Variants in RALGAPB observed in about 807,000 individuals in gnomAD.
RALGAPB encodes the protein ral GTPase-activating protein subunit beta.
RALGAPB carries 25 observed loss-of-function variants against 161.1 expected under a neutral mutation model. The observed-to-expected ratio is 0.16, with a 90% CI of 0.11 to 0.22. The LOEUF (loss-of-function observed/expected upper bound fraction) is 0.22. RALGAPB is among the 10% of genes least tolerant of loss of function. The probability of loss-of-function intolerance (pLI) is 1.00; values close to 1 mark genes in which losing one functional copy is unlikely to be tolerated. For missense variants in RALGAPB, 1,391 were observed against 1,815.2 expected (o/e 0.77, Z 4.25); for synonymous variants, 629 against 626.1 (o/e 1.00, Z -0.07).
chr20:38,563,984 C>T (rs1004474225), intron 24 of RALGAPB, among the ~76,000 whole-genome samples: 21 of 152,104 alleles, frequency 1.4e-4, no homozygotes, highest in African/African-American at 4.3e-4. Context: ...TCCCCGAATC[C>T]GGAACTATAT....
intron 23 of RALGAPB, among the ~76,000 whole-genome samples, chr20:38,560,555 GT>G (rs2087752317): frequency 6.6e-6 from 1 of 152,190 alleles, no homozygotes; most frequent in African/African-American, 2.4e-5. Context: ...GGAGTCAAGT[GT>G]TTTAGAAGAA....
intron 1 of RALGAPB, among the ~76,000 whole-genome samples, chr20:38,485,142 A>C (rs951692283): frequency 1.3e-5 from 2 of 152,210 alleles, no homozygotes; most frequent in African/African-American, 4.8e-5. Flanking sequence ...TTATATGTAA[A>C]TGAAGTTAAT....
Position 38,567,313 on chromosome 20 carries a change from A to G in RALGAPB, c.3954+81A>G, listed in dbSNP as rs556478322. 6.5e-6 allele frequency: 10 copies of G among 1,528,840 alleles called. No individual in the cohort carries two copies. The South Asian group carries it at 9.0e-5, about 14-fold the overall frequency. The allele number at this position is 1,528,840 out of a possible 1,614,324, so 94.7% of individuals were successfully genotyped here. A position where few individuals can be genotyped will look rare whatever the true frequency, so the allele number is the denominator to read the frequency against. ...TAGAATCCTGCCTGAAAAGCTTTTAACCCAGAGAGTATTTATATCAGAGTA... is the reference window on the plus strand; with the variant it reads ...TAGAATCCTGCCTGAAAAGCTTTTAGCCCAGAGAGTATTTATATCAGAGTA... On this transcript the variant is annotated intron_variant, in intron 26 of 29. Transcript: ENST00000262879.
At chr20:38,571,336 A>C (rs2088231290) in intron 28 of RALGAPB, among the ~76,000 whole-genome samples, 1 of 152,214 alleles carries the variant, frequency 6.6e-6, no homozygotes, top group African/African-American at 2.4e-5. Flanking sequence ...TATCCTGCAT[A>C]ACTGAAACTT....
At chr20:38,573,486 C>T (rs1427409714) in intron 28 of RALGAPB, among the ~76,000 whole-genome samples, 2 of 152,096 alleles carry the variant, frequency 1.3e-5, no homozygotes, top group African/African-American at 4.8e-5. Context: ...ATGAGTAACT[C>T]GCCCCTCCAT....
At chr20:38,498,565 T>A (rs892895984) in intron 4 of RALGAPB, among the ~76,000 whole-genome samples, 1 of 152,246 alleles carries the variant, frequency 6.6e-6, no homozygotes, top group Non-Finnish European at 1.5e-5. Flanking sequence ...ACCTCTCTGC[T>A]ACTTACTCCC....
chr20:38,497,554 T>C, intron 4 of RALGAPB, 38 bp downstream of exon 4: 2 of 1,572,696 alleles, frequency 1.3e-6, no homozygotes, highest in South Asian at 1.2e-5. Context: ...ATTTCTGAGC[T>C]CCAAATACAG....
At chr20:38,512,499 A>G (rs2085990986) in intron 6 of RALGAPB, among the ~76,000 whole-genome samples, 2 of 152,280 alleles carry the variant, frequency 1.3e-5, no homozygotes, top group African/African-American at 4.8e-5. Context: ...AAGAAAAAGC[A>G]TGTAAAACGG....
In RALGAPB at chr20:38,524,760, T is replaced by C; in HGVS notation, c.1620-18T>C. ...TTTGATCAGCAGTTTGTTTAAAATT[T>C]TTTTCTTGCTTTCCTAGATTTTACA... is the stretch of plus-strand genomic sequence containing the variant. On this transcript the variant is annotated intron_variant, in intron 10 of 29. Transcript: ENST00000262879. The C allele has an allele frequency of 6.4e-7, 1 of 1,567,098 alleles. No homozygotes were observed. The highest frequency in any genetic ancestry group is 8.8e-7 in the Non-Finnish European group (1 of 1,142,098).
At chr20:38,499,411 A>G (rs1309986642) in intron 4 of RALGAPB, 36 bp from the exon 5 acceptor site, 2 of 1,532,632 alleles carry the variant, frequency 1.3e-6, no homozygotes, top group Non-Finnish European at 1.8e-6. Flanking sequence ...TTTAAAAATA[A>G]GTTTGCCAAA....
At chr20:38,500,233 G>A (rs1390503973) in intron 5 of RALGAPB, among the ~76,000 whole-genome samples, 3 of 151,468 alleles carry the variant, frequency 2.0e-5, no homozygotes, top group Non-Finnish European at 2.9e-5. Context: ...GAGCTTCACG[G>A]ATACCATGTT....
intron 11 of RALGAPB, 36 bp from the exon 12 acceptor site, chr20:38,525,368 G>A (rs752176933): frequency 3.4e-6 from 5 of 1,466,944 alleles, no homozygotes; most frequent in Non-Finnish European, 4.7e-6. Context: ...ATGTGCTTTA[G>A]TTCAAAAATA....
At chr20:38,531,692 G>C (rs530039802) in intron 14 of RALGAPB, among the ~76,000 whole-genome samples, 31 of 152,300 alleles carry the variant, frequency 2.0e-4, no homozygotes, top group African/African-American at 7.5e-4. Context: ...AGTGCTCTCT[G>C]CTTTGTCTTC....
chr20:38,500,862 A>G (rs763825717), intron 5 of RALGAPB, among the ~76,000 whole-genome samples: 7 of 152,218 alleles, frequency 4.6e-5, no homozygotes, highest in Non-Finnish European at 8.8e-5. Context: ...TAGGAGATCA[A>G]ACCAGTCACA....
chr20:38,476,793 A>C (rs2084815245), intron 1 of RALGAPB, among the ~76,000 whole-genome samples: 1 of 152,226 alleles, frequency 6.6e-6, no homozygotes, highest in South Asian at 2.1e-4. Context: ...GTCTAGCACA[A>C]AGCCTATTTT....
intron 4 of RALGAPB, 70 bp downstream of exon 4, chr20:38,497,586 C>T (rs189397275): frequency 5.8e-5 from 85 of 1,462,710 alleles, no homozygotes; most frequent in African/African-American, 4.1e-4. Flanking sequence ...ACTCAGTGAG[C>T]GGTAGACTCA....
chr20:38,525,641 A>G (rs905767445), intron 12 of RALGAPB, 123 bp downstream of exon 12: 7 of 866,556 alleles, frequency 8.1e-6, no homozygotes, highest in African/African-American at 1.7e-5. Context: ...TATTTCATCA[A>G]GTTATTTCAA....
intron 1 of RALGAPB, among the ~76,000 whole-genome samples, chr20:38,479,255 T>G (rs1385587585): frequency 6.6e-6 from 1 of 152,248 alleles, no homozygotes; most frequent in Non-Finnish European, 1.5e-5. Flanking sequence ...GTTTAATGTT[T>G]GTTTAATGAA....
chr20:38,482,122 T>C (rs2084987108), intron 1 of RALGAPB, among the ~76,000 whole-genome samples: 1 of 152,178 alleles, frequency 6.6e-6, no homozygotes. Context: ...TGTATATATA[T>C]TATATGCTAT....
Sources: allele counts gnomAD v4.1 joint callset (sites outside exome capture counted in the v4.1 genomes callset), GRCh38; gene constraint gnomAD v4.1.1; transcripts MANE v1.5; gene names NCBI Gene and HGNC (gene_info 2026-07-23, HGNC 2026-07-21).